UBAC1: variants seen among roughly 807,000 people sequenced by gnomAD.
The protein encoded by UBAC1 is ubiquitin-associated domain-containing protein 1.
In UBAC1, 27 loss-of-function variants were observed where a neutral mutation model predicts 45.9. That is an observed-to-expected ratio of 0.59 (90% CI 0.43 to 0.81). UBAC1 has a LOEUF of 0.81. Among genes scored for constraint, UBAC1 ranks in the 30% least tolerant of loss-of-function variants. The pLI, the probability that UBAC1 is intolerant of heterozygous loss-of-function variation, is 0.00. For synonymous variants in UBAC1, 227 were observed against 215.5 expected (o/e 1.05, Z -0.47); for missense variants, 529 against 539.2 (o/e 0.98, Z 0.19).
At chr9:135,959,009 C>G (rs1156981409) in intron 1 of UBAC1, among the ~76,000 whole-genome samples, 1 of 152,178 alleles carries the variant, frequency 6.6e-6, no homozygotes, top group Non-Finnish European at 1.5e-5. Flanking sequence ...TAATAATTAG[C>G]ATTGCATCGG....
In UBAC1 at chr9:135,947,863, G is replaced by A. The variant is rs749704638; in HGVS notation, c.376C>T (p.Arg126Trp). The A allele has an allele frequency of 1.6e-5, 26 of 1,614,130 alleles. No individual in the cohort carries two copies. In the Middle Eastern group the frequency reaches 4.9e-4, roughly 31 times the overall value. Residue 126 changes from arginine to tryptophan, a missense_variant, in exon 4 of 10, where the codon CGG becomes TGG. Arg to Trp is a moderately radical substitution (Grantham distance 101). Transcript: ENST00000371756. ...TAGGAGGGCAGGTTGGCGGTGGCCC[G>A]CAGTATGGCCTCTTTATCTGGAGCT... Reference protein sequence around the residue: ...QKAPDKEAILRATANLPSYNM... With the variant: ...QKAPDKEAILWATANLPSYNM...
intron 8 of UBAC1, 42 bp from the exon 9 acceptor site, chr9:135,938,402 G>A: frequency 6.3e-7 from 1 of 1,598,062 alleles, no homozygotes; most frequent in South Asian, 1.1e-5. Flanking sequence ...AGCGCCTTCA[G>A]TGCCTCCGCA....
intron 2 of UBAC1, 44 bp from the exon 3 acceptor site, chr9:135,953,797 C>T (rs1380184918): frequency 1.3e-6 from 2 of 1,569,516 alleles, no homozygotes; most frequent in Admixed American, 3.4e-5. Context: ...GTTATCACTT[C>T]ATATCCACAA....
At position 135,945,992 on chromosome 9, in the gene UBAC1, G is replaced by A. The variant is rs760966311; in HGVS notation, c.550C>T (p.Leu184=). Residue 184 remains leucine, a synonymous_variant, in exon 6 of 10, where the codon CTG becomes TTG. Transcript: ENST00000371756. The part of the protein sequence containing the change: ...VELFKKANAM[L]DEDEDERVDE... Reference sequence around the variant, plus strand: ...ACACGCTCATCCTCGTCCTCGTCCAGCATTGCTGCAGGGAGACGACAGGGC... The same window carrying A: ...ACACGCTCATCCTCGTCCTCGTCCAACATTGCTGCAGGGAGACGACAGGGC... 1.2e-5 allele frequency: 20 copies of A among 1,613,416 alleles called. No homozygotes were observed. Among genetic ancestry groups the A allele is most frequent in the Non-Finnish European group, 1.4e-5 (17 of 1,179,988 alleles).
chr9:135,956,382 G>C (rs1202221683), intron 1 of UBAC1, among the ~76,000 whole-genome samples: 1 of 152,218 alleles, frequency 6.6e-6, no homozygotes, highest in Non-Finnish European at 1.5e-5. Flanking sequence ...CGTGGCACTG[G>C]CTTGCGGGAG....
chr9:135,959,753 G>A (rs138689234), intron 1 of UBAC1, among the ~76,000 whole-genome samples: 2,769 of 152,274 alleles, frequency 0.018, 43 homozygotes, highest in Non-Finnish European at 0.023. Context: ...CGGAGTTACC[G>A]GCGCTGGAGC....
intron 9 of UBAC1, among the ~76,000 whole-genome samples, chr9:135,934,421 G>C (rs1839181310): frequency 6.6e-6 from 1 of 152,226 alleles, no homozygotes; most frequent in Non-Finnish European, 1.5e-5. Flanking sequence ...AACACTTTGG[G>C]AGGCCGAAGC....
chr9:135,938,801 C>T (rs1839230498), intron 8 of UBAC1, among the ~76,000 whole-genome samples: 1 of 144,812 alleles, frequency 6.9e-6, no homozygotes, highest in Non-Finnish European at 1.5e-5. Context: ...ACTCCACTGG[C>T]ACGGGGGATG....
rs374885055 is a variant in UBAC1, at chr9:135,945,014, C to G, written c.876+14G>C. 5 of 1,610,648 alleles carry G rather than the reference C, an allele frequency of 3.1e-6. No homozygotes were observed. Among genetic ancestry groups the G allele is most frequent in the Middle Eastern group, 1.7e-4 (1 of 6,040 alleles). ...ACAGCGACTCTGCCTGGCGACAGGT[C>G]TAGTAACACATACCCGAGCATCAGC... On this transcript the variant is annotated intron_variant, in intron 7 of 9. Coordinates refer to ENST00000371756, the MANE Select transcript of UBAC1 (RefSeq NM_016172.3).
At position 135,960,985 on chromosome 9, in the gene UBAC1, G is replaced by A. The variant is rs1487499290; in HGVS notation, c.138+40C>T. The stretch of plus-strand genomic sequence containing the variant: ...GCGGGGTCCGCAGTCGGAGGGGTCC[G>A]GAGCGGGTGTTGGGGGCAGGGGAGG... On this transcript the variant is annotated intron_variant, in intron 1 of 9. Coordinates refer to ENST00000371756, the MANE Select transcript of UBAC1 (RefSeq NM_016172.3). 6 of 1,471,406 alleles carry A rather than the reference G, an allele frequency of 4.1e-6. No individual in the cohort carries two copies. In the South Asian group the frequency reaches 6.3e-5, roughly 16 times the overall value. The allele number at this position is 1,471,406 out of a possible 1,614,324, so 91.1% of individuals were successfully genotyped here.
chr9:135,958,970 AC>A (rs1447841735), intron 1 of UBAC1, among the ~76,000 whole-genome samples: 1 of 152,210 alleles, frequency 6.6e-6, no homozygotes, highest in Non-Finnish European at 1.5e-5. Context: ...ACATCTCAAC[AC>A]CAAATGGAAT....
At position 135,961,300 on chromosome 9, in the gene UBAC1, C is replaced by A. The variant is rs1588538396; in HGVS notation, c.-138G>T. ...CCGCCCCGCCCCGGCTCCCGTCGGC[C>A]GGGCCGCCGTCACTCTCCGCGGCCT... On this transcript the variant is annotated 5_prime_UTR_variant, in exon 1 of 10. Transcript: ENST00000371756. The A allele has an allele frequency of 5.6e-6, 4 of 718,680 alleles. No homozygotes were observed. In the East Asian group the frequency reaches 3.4e-4, roughly 61 times the overall value. 44.5% of individuals were successfully genotyped at this position (718,680 alleles called of 1,614,324 possible).
Position 135,945,289 on chromosome 9 carries a change from A to G in UBAC1, c.654-39T>C, listed in dbSNP as rs769817767. The G allele has an allele frequency of 3.3e-6, 5 of 1,506,880 alleles. No homozygotes were observed. In the Admixed American group the frequency reaches 1.1e-4, roughly 32 times the overall value. 93.3% of individuals were successfully genotyped at this position (1,506,880 alleles called of 1,614,324 possible). A position where few individuals can be genotyped will look rare whatever the true frequency, so the allele number is the denominator to read the frequency against. ...GACTCTTTCCAACATCCCCAGACTA[A>G]CGGACCAGGGCCTTCGCCTCCTGTC... is the stretch of plus-strand genomic sequence containing the variant. On this transcript the variant is annotated intron_variant, in intron 6 of 9. Transcript: ENST00000371756.
At chr9:135,948,489 G>A (rs1315147983) in intron 3 of UBAC1, among the ~76,000 whole-genome samples, 1 of 152,290 alleles carries the variant, frequency 6.6e-6, no homozygotes, top group Non-Finnish European at 1.5e-5. Flanking sequence ...CGGTGGCAGG[G>A]GACAAGGAGC....
In UBAC1 at chr9:135,933,264, C is replaced by G; in HGVS notation, c.*136G>C. On this transcript the variant is annotated 3_prime_UTR_variant, in exon 10 of 10. Transcript: ENST00000371756. ...GTTTATAAGCAATAAGATCAGAGAG[C>G]AGGAGCAGCTGCAGCACCTCTAACA... 1 of 664,750 alleles carries G rather than the reference C, an allele frequency of 1.5e-6. No individual in the cohort carries two copies. Among genetic ancestry groups the G allele is most frequent in the African/African-American group, 1.8e-5 (1 of 55,660 alleles). 41.2% of individuals were successfully genotyped at this position (664,750 alleles called of 1,614,324 possible). A position where few individuals can be genotyped will look rare whatever the true frequency, so the allele number is the denominator to read the frequency against.
chr9:135,933,646 A>C, intron 9 of UBAC1, 131 bp from the exon 10 acceptor site: 4 of 673,910 alleles, frequency 5.9e-6, no homozygotes, highest in East Asian at 2.6e-5. Context: ...CACAGAGCTC[A>C]CTGCTAAGTG....
At chr9:135,946,968 G>A (rs946544233) in intron 4 of UBAC1, among the ~76,000 whole-genome samples, 1 of 152,186 alleles carries the variant, frequency 6.6e-6, no homozygotes, top group Non-Finnish European at 1.5e-5. Context: ...CACACAGGAT[G>A]GGAGACACAC....
At chr9:135,945,809 G>T in intron 6 of UBAC1, 80 bp downstream of exon 6, 2 of 1,111,630 alleles carry the variant, frequency 1.8e-6, no homozygotes, top group Non-Finnish European at 2.7e-6. Flanking sequence ...TAGGGTAGGA[G>T]GACGTCACCC....
intron 3 of UBAC1, among the ~76,000 whole-genome samples, chr9:135,952,168 C>G (rs1001535638): frequency 6.6e-6 from 1 of 152,248 alleles, no homozygotes; most frequent in African/African-American, 2.4e-5. Context: ...CATGCGTGGC[C>G]AGGTGTGGCT....
Sources: gnomAD v4.1 joint callset for allele counts (sites outside exome capture counted in the v4.1 genomes callset) on GRCh38, gnomAD v4.1.1 for gene constraint, MANE v1.5 for transcripts, NCBI Gene and HGNC (gene_info 2026-07-23, HGNC 2026-07-21) for gene names.